Variants in PDE10A observed in about 807,000 individuals in gnomAD.
PDE10A encodes the protein cAMP and cAMP-inhibited cGMP 3',5'-cyclic phosphodiesterase 10A.
A neutral mutation model predicts 97.7 loss-of-function variants in PDE10A; 39 were observed. The observed-to-expected ratio is 0.40, with a 90% confidence interval of 0.31 to 0.52. The LOEUF (loss-of-function observed/expected upper bound fraction) is 0.52. PDE10A is among the 20% of genes least tolerant of loss of function. The pLI, the probability that PDE10A is intolerant of heterozygous loss-of-function variation, is 0.56. For missense variants in PDE10A, 731 were observed against 1,047.8 expected (o/e 0.70, Z 4.17); for synonymous variants, 371 against 376.8 (o/e 0.98, Z 0.18).
intron 1 of PDE10A, among the ~76,000 whole-genome samples, chr6:165,874,537 CA>C (rs1257093950): frequency 5.3e-5 from 8 of 152,120 alleles, no homozygotes; most frequent in Admixed American, 5.2e-4. Flanking sequence ...AAAATATTAT[CA>C]AAAATGATCA....
intron 18 of PDE10A, among the ~76,000 whole-genome samples, chr6:165,350,388 C>G (rs1302043973): frequency 1.3e-5 from 2 of 152,260 alleles, no homozygotes; most frequent in East Asian, 3.9e-4. Flanking sequence ...CAATTTCTCC[C>G]ATTTGGAATG....
chr6:165,745,635 A>C (rs956937870), intron 1 of PDE10A, among the ~76,000 whole-genome samples: 1 of 152,220 alleles, frequency 6.6e-6, no homozygotes, highest in East Asian at 1.9e-4. Flanking sequence ...GTCAAAACTC[A>C]AACTTGGCTT....
Position 165,521,138 on chromosome 6 carries a change from A to G in PDE10A, c.994+22302T>C, listed in dbSNP as rs1308994757. On this transcript the variant is annotated intron_variant, in intron 2 of 21. Transcript: ENST00000539869. ...ATATCTGTTATAGTGATCTGTAATC[A>G]GTGATCTTTGATGATATTACTGTCA... Among the ~76,000 whole-genome samples, 10 of 152,306 alleles carry G rather than the reference A, an allele frequency of 6.6e-5. No homozygotes were observed. In the East Asian group the frequency reaches 1.9e-3, roughly 29 times the overall value.
chr6:165,716,006 A>C (rs1792017604), intron 1 of PDE10A, among the ~76,000 whole-genome samples: 1 of 152,194 alleles, frequency 6.6e-6, no homozygotes, highest in Non-Finnish European at 1.5e-5. Context: ...CGGCTCCTGC[A>C]CTAAAGTGCC....
At chr6:165,436,029 T>C (rs1789989346) in intron 5 of PDE10A, among the ~76,000 whole-genome samples, 1 of 152,180 alleles carries the variant, frequency 6.6e-6, no homozygotes, top group African/African-American at 2.4e-5. Flanking sequence ...TTTTTAAAAA[T>C]AGCATCAGTT....
chr6:165,679,057 C>T (rs747128993), intron 1 of PDE10A, among the ~76,000 whole-genome samples: 12 of 152,196 alleles, frequency 7.9e-5, no homozygotes, highest in Non-Finnish European at 1.3e-4. Context: ...ACATACCACA[C>T]ATGAGAGACA....
intron 1 of PDE10A, among the ~76,000 whole-genome samples, chr6:165,612,813 A>T (rs921073544): frequency 6.6e-6 from 1 of 152,214 alleles, no homozygotes; most frequent in Non-Finnish European, 1.5e-5. Flanking sequence ...GTCTCACCAC[A>T]TATCTTTCTT....
chr6:165,498,068 A>G (rs753829584), intron 2 of PDE10A, among the ~76,000 whole-genome samples: 1 of 152,062 alleles, frequency 6.6e-6, no homozygotes, highest in Non-Finnish European at 1.5e-5. Flanking sequence ...ATGTTGCTTT[A>G]GTATTTAGGA....
At chr6:165,859,860 TA>T (rs1780850093) in intron 1 of PDE10A, among the ~76,000 whole-genome samples, 1 of 152,054 alleles carries the variant, frequency 6.6e-6, no homozygotes, top group South Asian at 2.1e-4. Context: ...TACTCAGCCA[TA>T]AAAAGGAATG....
chr6:165,943,234 A>AAGGAAGGAAG (rs1562809813), intron 1 of PDE10A, among the ~76,000 whole-genome samples: 3 of 34,054 alleles, frequency 8.8e-5, no homozygotes, highest in Non-Finnish European at 1.7e-4. Flanking sequence ...AAAGAAAGAA[A>AAGGAAGGAAG]GAAGGAAGGA....
intron 1 of PDE10A, among the ~76,000 whole-genome samples, chr6:165,955,665 A>G (rs1784114768): frequency 6.6e-6 from 1 of 152,256 alleles, no homozygotes; most frequent in African/African-American, 2.4e-5. Context: ...AAGTGCGAGT[A>G]GAAAAGTCAT....
At chr6:165,448,010 T>C (rs1305751568) in intron 5 of PDE10A, among the ~76,000 whole-genome samples, 3 of 152,220 alleles carry the variant, frequency 2.0e-5, no homozygotes, top group Non-Finnish European at 1.5e-5. Flanking sequence ...TTAAGAGTCC[T>C]ATTAAAAATC....
chr6:165,370,351 A>T (rs1382903012), intron 18 of PDE10A, among the ~76,000 whole-genome samples: 13 of 148,050 alleles, frequency 8.8e-5, no homozygotes, highest in Admixed American at 4.7e-4. Flanking sequence ...GTGCAGAGAC[A>T]CACATAGGCT....
chr6:165,597,539 CAT>C (rs1174014250), intron 1 of PDE10A, among the ~76,000 whole-genome samples: 1 of 152,128 alleles, frequency 6.6e-6, no homozygotes, highest in South Asian at 2.1e-4. Context: ...GTTAAAGTGA[CAT>C]ATGTATGATA....
chr6:165,816,885 G>A (rs1779431160), intron 1 of PDE10A, among the ~76,000 whole-genome samples: 1 of 152,100 alleles, frequency 6.6e-6, no homozygotes, highest in Admixed American at 6.5e-5. Flanking sequence ...AAGAGTGCAG[G>A]CAGGAAGGAA....
intron 1 of PDE10A, among the ~76,000 whole-genome samples, chr6:165,738,646 C>T (rs1792643184): frequency 6.6e-6 from 1 of 151,662 alleles, no homozygotes; most frequent in African/African-American, 2.4e-5. Flanking sequence ...AAAAGTGTTC[C>T]TATTTCTCCA....
At chr6:165,510,388 T>C (rs780507667) in intron 2 of PDE10A, among the ~76,000 whole-genome samples, 15 of 152,110 alleles carry the variant, frequency 9.9e-5, no homozygotes, top group Non-Finnish European at 1.9e-4. Flanking sequence ...CACTTGATTG[T>C]AGTGTATTAC....
chr6:165,410,306 C>T (rs768941073), intron 13 of PDE10A, among the ~76,000 whole-genome samples: 2 of 152,152 alleles, frequency 1.3e-5, no homozygotes, highest in African/African-American at 2.4e-5. Context: ...ATTATCAGTA[C>T]TTTTTGGCAT....
At chr6:165,980,149 T>C (rs1583390858) in intron 1 of PDE10A, among the ~76,000 whole-genome samples, 1 of 152,226 alleles carries the variant, frequency 6.6e-6, no homozygotes, top group East Asian at 1.9e-4. Flanking sequence ...TTTCAAATAC[T>C]CTATCCCACT....
Sources: gnomAD v4.1 joint callset for allele counts (sites outside exome capture counted in the v4.1 genomes callset) on GRCh38, gnomAD v4.1.1 for gene constraint, MANE v1.5 for transcripts, NCBI Gene and HGNC (gene_info 2026-07-23, HGNC 2026-07-21) for gene names.